Variants in STK24 observed in about 807,000 individuals in gnomAD.
STK24 encodes serine/threonine kinase 24.
Under a neutral mutation model 55.6 loss-of-function variants are expected in STK24, and 21 were observed. The observed-to-expected ratio is 0.38, with a 90% CI of 0.27 to 0.54. STK24 has a LOEUF of 0.54. Ranked by LOEUF, STK24 falls within the 20% of genes least tolerant of loss-of-function variation. STK24 has a pLI of 0.79. For synonymous variants in STK24, 200 were observed against 215.2 expected, an observed-to-expected ratio of 0.93 and a Z score of 0.62; for missense variants, 383 against 538.4, an observed-to-expected ratio of 0.71 and a Z score of 2.86.
intron 1 of STK24, among the ~76,000 whole-genome samples, chr13:98,529,695 C>T (rs1896531700): frequency 6.6e-6 from 1 of 152,036 alleles, no homozygotes; most frequent in Non-Finnish European, 1.5e-5. Context: ...ACAAACAAAC[C>T]ACCAAACAGG....
intron 2 of STK24, among the ~76,000 whole-genome samples, chr13:98,494,405 C>G (rs145710713): frequency 0.13 from 4,614 of 35,566 alleles, 287 homozygotes; most frequent in African/African-American, 0.3. Flanking sequence ...CAGAGCCAGA[C>G]TCGTCTCAAA....
chr13:98,541,382 C>CT (rs35681547), intron 1 of STK24, among the ~76,000 whole-genome samples: 1 of 152,172 alleles, frequency 6.6e-6, no homozygotes, highest in Non-Finnish European at 1.5e-5. Flanking sequence ...GGACCCAACA[C>CT]TTTCAGCTGC....
chr13:98,527,708 G>A (rs530955294), intron 1 of STK24, among the ~76,000 whole-genome samples: 2 of 152,306 alleles, frequency 1.3e-5, no homozygotes, highest in East Asian at 3.9e-4. Flanking sequence ...CACGGGACCA[G>A]GACCGGGTGA....
chr13:98,448,372 C>A lies in STK24; in HGVS notation c.*4801G>T. On this transcript the variant is annotated 3_prime_UTR_variant, in exon 11 of 11. Coordinates refer to ENST00000539966, the MANE Select transcript of STK24 (RefSeq NM_001032296.4). Reference sequence around the variant, plus strand: ...TGCTTTCCTGGAAGACGTTTCCTTTCTTCTGTATTAATGAAGCCTGGTAAA... The same window carrying A: ...TGCTTTCCTGGAAGACGTTTCCTTTATTCTGTATTAATGAAGCCTGGTAAA... 1 of 1,353,620 alleles carries A rather than the reference C, an allele frequency of 7.4e-7. No homozygotes were observed. The highest frequency in any genetic ancestry group is 1.1e-6 in the Non-Finnish European group (1 of 942,502). The allele number at this position is 1,353,620 out of a possible 1,614,324, so 83.9% of individuals were successfully genotyped here. A position where few individuals can be genotyped will look rare whatever the true frequency, so the allele number is the denominator to read the frequency against.
In STK24 at chr13:98,446,767, C is replaced by G. The variant is rs144436647; in HGVS notation, c.*6406G>C. The G allele has an allele frequency of 1.3e-4, 213 of 1,614,200 alleles. No individual in the cohort carries two copies. Among genetic ancestry groups the G allele is most frequent in the Admixed American group, 2.8e-4 (17 of 60,028 alleles). ...AAGACTACGTGTTCAAGCTGCACTT[C>G]AAGTCCCACGTCTACTACTTCAGGG... is the stretch of plus-strand genomic sequence containing the variant. On this transcript the variant is annotated 3_prime_UTR_variant, in exon 11 of 11. Coordinates refer to ENST00000539966, the MANE Select transcript of STK24 (RefSeq NM_001032296.4).
At chr13:98,458,249 C>T (rs937511221) in intron 9 of STK24, among the ~76,000 whole-genome samples, 1 of 152,178 alleles carries the variant, frequency 6.6e-6, no homozygotes, top group African/African-American at 2.4e-5. Flanking sequence ...AAAACGTGAA[C>T]TGTGAAAATA....
intron 1 of STK24, among the ~76,000 whole-genome samples, chr13:98,560,412 C>T (rs1196571845): frequency 6.6e-6 from 1 of 152,178 alleles, no homozygotes; most frequent in East Asian, 1.9e-4. Context: ...GGTGAATGTT[C>T]ATTCAGAGCA....
intron 9 of STK24, among the ~76,000 whole-genome samples, chr13:98,459,074 A>C (rs1416814566): frequency 6.6e-6 from 1 of 152,190 alleles, no homozygotes; most frequent in South Asian, 2.1e-4. Flanking sequence ...AAAAATAAAC[A>C]GCCTCAGGAG....
At chr13:98,569,675 G>A (rs1287315271) in intron 1 of STK24, among the ~76,000 whole-genome samples, 3 of 151,894 alleles carry the variant, frequency 2.0e-5, no homozygotes, top group Non-Finnish European at 4.4e-5. Flanking sequence ...AATAATGGCT[G>A]GGCTGCAGAT....
Position 98,446,978 on chromosome 13 carries a change from G to C in STK24, c.*6195C>G. The C allele has an allele frequency of 2.8e-6, 2 of 707,188 alleles. No homozygotes were observed. Among genetic ancestry groups the C allele is most frequent in the South Asian group, 1.8e-5 (1 of 54,366 alleles). The allele number at this position is 707,188 out of a possible 1,614,324, so 43.8% of individuals were successfully genotyped here. A position where few individuals can be genotyped will look rare whatever the true frequency, so the allele number is the denominator to read the frequency against. On this transcript the variant is annotated 3_prime_UTR_variant, in exon 11 of 11. Transcript: ENST00000539966. ...CTGCCCGACACCAGCAGGCGATTCT[G>C]TTCTCATGGCAGAAAGTGGGGTCCC...
At chr13:98,559,002 TAAAAAAAAAAAAAAA>T (rs60756124) in intron 1 of STK24, among the ~76,000 whole-genome samples, 4 of 43,032 alleles carry the variant, frequency 9.3e-5, no homozygotes, top group East Asian at 8.1e-4. Context: ...CTGTCTCTAC[TAAAAAAAAAAAAAAA>T]AAAAAAAAAA....
Position 98,446,332 on chromosome 13 carries a change from G to A in STK24, c.*6841C>T, listed in dbSNP as rs114145312. ...CAGGTGTCACGGGGATGACAGGGAT[G>A]CTGGCGGGGGGCCCTGTCCACCCGA... On this transcript the variant is annotated 3_prime_UTR_variant, in exon 11 of 11. Transcript: ENST00000539966. 1,310 of 651,944 alleles carry A rather than the reference G, an allele frequency of 2.0e-3. 8 individuals are homozygous for A. The African/African-American group carries it at 0.021, about 10-fold the overall frequency. 40.4% of individuals were successfully genotyped at this position (651,944 alleles called of 1,614,324 possible).
Position 98,446,422 on chromosome 13 carries a change from G to A in STK24, c.*6751C>T, listed in dbSNP as rs1892838812. ...GAAGGACAACTTCTGCCCTAGGAAGGGCCACCTGTCTTCTGCCTGGACAAG... is the reference window on the plus strand; with the variant it reads ...GAAGGACAACTTCTGCCCTAGGAAGAGCCACCTGTCTTCTGCCTGGACAAG... On this transcript the variant is annotated 3_prime_UTR_variant, in exon 11 of 11. Coordinates refer to ENST00000539966, the MANE Select transcript of STK24 (RefSeq NM_001032296.4). The A allele has an allele frequency of 3.3e-6, 2 of 602,014 alleles. No individual in the cohort carries two copies. Among genetic ancestry groups the A allele is most frequent in the African/African-American group, 3.7e-5 (2 of 53,846 alleles). 37.3% of individuals were successfully genotyped at this position (602,014 alleles called of 1,614,324 possible). A position where few individuals can be genotyped will look rare whatever the true frequency, so the allele number is the denominator to read the frequency against.
intron 1 of STK24, among the ~76,000 whole-genome samples, chr13:98,574,997 T>G (rs7989979): frequency 0.18 from 26,713 of 152,196 alleles, 2,406 homozygotes; most frequent in Non-Finnish European, 0.19. Context: ...ACCTAGTAAG[T>G]GAGGCATTTG....
chr13:98,552,699 C>T (rs1442016094), intron 1 of STK24, among the ~76,000 whole-genome samples: 1 of 152,082 alleles, frequency 6.6e-6, no homozygotes, highest in Non-Finnish European at 1.5e-5. Context: ...GGCAGACCAG[C>T]CACGGGGACC....
At chr13:98,469,256 A>G (rs879758878) in intron 5 of STK24, among the ~76,000 whole-genome samples, 23 of 152,246 alleles carry the variant, frequency 1.5e-4, no homozygotes, top group Admixed American at 1.2e-3. Flanking sequence ...ACCATCAAGA[A>G]CAAACATGGG....
At chr13:98,470,419 C>G (rs1894098989) in intron 5 of STK24, among the ~76,000 whole-genome samples, 2 of 152,234 alleles carry the variant, frequency 1.3e-5, no homozygotes, top group African/African-American at 4.8e-5. Flanking sequence ...GCGTGAGCCA[C>G]TGTGCCTGGC....
chr13:98,546,145 G>A (rs1324816404), intron 1 of STK24, among the ~76,000 whole-genome samples: 10 of 152,198 alleles, frequency 6.6e-5, no homozygotes, highest in African/African-American at 2.4e-4. Context: ...GGCAAAGGCT[G>A]GGCAGGGTGC....
At chr13:98,561,685 G>C (rs1054076281) in intron 1 of STK24, among the ~76,000 whole-genome samples, 1 of 151,972 alleles carries the variant, frequency 6.6e-6, no homozygotes, top group Non-Finnish European at 1.5e-5. Context: ...CCTAAAGATG[G>C]GGCAGGGCTG....
Sources: allele counts gnomAD v4.1 joint callset (sites outside exome capture counted in the v4.1 genomes callset), GRCh38; gene constraint gnomAD v4.1.1; transcripts MANE v1.5; gene names NCBI Gene and HGNC (gene_info 2026-07-23, HGNC 2026-07-21).